Variants in GDI2 observed in about 807,000 individuals in gnomAD.
GDI2 encodes GDP dissociation inhibitor 2, also known as rab GDP dissociation inhibitor beta.
Under a neutral mutation model 54.2 loss-of-function variants are expected in GDI2, and 22 were observed. The observed-to-expected ratio is 0.41, with a 90% CI of 0.29 to 0.58. The LOEUF (loss-of-function observed/expected upper bound fraction) is 0.58. Ranked by LOEUF, GDI2 falls within the 20% of genes least tolerant of loss-of-function variation. GDI2 has a pLI of 0.35. For missense variants in GDI2, 422 were observed against 546.0 expected (o/e 0.77, Z 2.26); for synonymous variants, 177 against 182.1 (o/e 0.97, Z 0.23).
At chr10:5,791,066 G>T (rs1841000345) in intron 4 of GDI2, among the ~76,000 whole-genome samples, 1 of 152,108 alleles carries the variant, frequency 6.6e-6, no homozygotes, top group Admixed American at 6.6e-5. Context: ...CTGAGGAGAG[G>T]TAACTGCTTG....
At chr10:5,767,087 C>T (rs2131678556) in intron 8 of GDI2, among the ~76,000 whole-genome samples, 1 of 152,020 alleles carries the variant, frequency 6.6e-6, no homozygotes, top group East Asian at 1.9e-4. Flanking sequence ...TTTGAGTTGG[C>T]ATAACGATAG....
chr10:5,792,142 G>T (rs1841033379), intron 4 of GDI2, among the ~76,000 whole-genome samples: 1 of 152,178 alleles, frequency 6.6e-6, no homozygotes, highest in South Asian at 2.1e-4. Context: ...TATATTAATA[G>T]CTTTATATAC....
At position 5,813,357 on chromosome 10, in the gene GDI2, A is replaced by G. The variant is rs1841516802; in HGVS notation, c.-99T>C. On this transcript the variant is annotated 5_prime_UTR_variant, in exon 1 of 11. Transcript: ENST00000380191. ...GGAGGCGCTCTTGGGCGCGAAGGAAAGGGGAAGAGAAAGAGAGGAAAATGG... is the reference window on the plus strand; with the variant it reads ...GGAGGCGCTCTTGGGCGCGAAGGAAGGGGGAAGAGAAAGAGAGGAAAATGG... 4.8e-6 allele frequency: 4 copies of G among 835,136 alleles called. No homozygotes were observed. The highest frequency in any genetic ancestry group is 2.4e-5 in the Admixed American group (1 of 42,174). The allele number at this position is 835,136 out of a possible 1,614,324, so 51.7% of individuals were successfully genotyped here.
intron 4 of GDI2, 24 bp downstream of exon 4, chr10:5,794,861 A>T: frequency 1.3e-6 from 2 of 1,512,054 alleles, no homozygotes; most frequent in Non-Finnish European, 1.8e-6. Context: ...AAAACTAGTT[A>T]CTAGAGAAAA....
intron 1 of GDI2, among the ~76,000 whole-genome samples, chr10:5,801,600 T>G (rs1281695114): frequency 6.6e-6 from 1 of 152,110 alleles, no homozygotes; most frequent in African/African-American, 2.4e-5. Context: ...TGCTTGAACC[T>G]GGGAGGCAGA....
At position 5,784,195 on chromosome 10, in the gene GDI2, TTTC is replaced by T. The variant is rs1467439749; in HGVS notation, c.719+944_719+946del. ...CCTTGTCTTCGAACTCTGAAATTTC[TTTC>T]TTCTACTTATTCAATTCTATTGCTG... On this transcript the variant is annotated intron_variant, in intron 6 of 10. Transcript: ENST00000380191. Among the ~76,000 whole-genome samples, 5 of 122,834 alleles carry T rather than the reference TTTC, an allele frequency of 4.1e-5. No individual in the cohort carries two copies. In the Admixed American group the frequency reaches 5.2e-4, roughly 13 times the overall value. The allele number at this position is 122,834 out of a possible 152,430, so 80.6% of individuals were successfully genotyped here.
At position 5,813,404 on chromosome 10, in the gene GDI2, G is replaced by C. The variant is rs919179313; in HGVS notation, c.-146C>G. ...ATGGAGCTGGCGACAAGGCGAGACC[G>C]ACCGCCACCTCAGACGGGAAGAGAA... On this transcript the variant is annotated 5_prime_UTR_variant, in exon 1 of 11. Coordinates refer to ENST00000380191, the MANE Select transcript of GDI2 (RefSeq NM_001494.4). 6 of 427,836 alleles carry C rather than the reference G, an allele frequency of 1.4e-5. No individual in the cohort carries two copies. Among genetic ancestry groups the C allele is most frequent in the Non-Finnish European group, 2.1e-5 (5 of 235,352 alleles). The allele number at this position is 427,836 out of a possible 1,614,324, so 26.5% of individuals were successfully genotyped here. A position where few individuals can be genotyped will look rare whatever the true frequency, so the allele number is the denominator to read the frequency against.
At chr10:5,782,749 C>A (rs542424280) in intron 6 of GDI2, among the ~76,000 whole-genome samples, 1 of 152,348 alleles carries the variant, frequency 6.6e-6, no homozygotes, top group East Asian at 1.9e-4. Flanking sequence ...GACTGACCAA[C>A]ATGGTGAAAC....
In GDI2 at chr10:5,765,739, G is replaced by A. The variant is rs563667776; in HGVS notation, c.*267C>T. On this transcript the variant is annotated 3_prime_UTR_variant, in exon 11 of 11. Coordinates refer to ENST00000380191, the MANE Select transcript of GDI2 (RefSeq NM_001494.4). ...AAAACTGTCTCAAGTTGTCTGTGTC[G>A]GTATCCCAATGTTTGTTTAACTTCA... 1.1e-4 allele frequency: 42 copies of A among 366,948 alleles called. No homozygotes were observed. Among genetic ancestry groups the A allele is most frequent in the South Asian group, 9.2e-4 (22 of 23,932 alleles). 22.7% of individuals were successfully genotyped at this position (366,948 alleles called of 1,614,324 possible).
intron 4 of GDI2, among the ~76,000 whole-genome samples, chr10:5,789,827 G>GT (rs1840971414): frequency 6.6e-6 from 1 of 152,296 alleles, no homozygotes; most frequent in Non-Finnish European, 1.5e-5. Flanking sequence ...TCTTAACTGC[G>GT]TAAGATTAAC....
At chr10:5,786,117 A>C in intron 4 of GDI2, 67 bp from the exon 5 acceptor site, 1 of 1,007,086 alleles carries the variant, frequency 9.9e-7, no homozygotes, top group Non-Finnish European at 1.5e-6. Context: ...GAAGTATGAG[A>C]GCAAAGTTTA....
In GDI2 at chr10:5,768,568, T is replaced by C. The variant is rs1840412238; in HGVS notation, c.820-184A>G. On this transcript the variant is annotated intron_variant, in intron 7 of 10. Transcript: ENST00000380191. This position sits in a 1 kb window ranked among gnomAD's most constrained non-coding sequence, Gnocchi z 4.4. Reference sequence around the variant, plus strand: ...AATCTTAAAAGAAGAACAGCAAAGCTGGAGGACTCACTCACTAAAAAGCTA... The same window carrying C: ...AATCTTAAAAGAAGAACAGCAAAGCCGGAGGACTCACTCACTAAAAAGCTA... 2.2e-5 allele frequency: 13 copies of C among 579,870 alleles called. No individual in the cohort carries two copies. Among genetic ancestry groups the C allele is most frequent in the South Asian group, 2.1e-4 (10 of 46,814 alleles). The allele number at this position is 579,870 out of a possible 1,614,324, so 35.9% of individuals were successfully genotyped here.
At chr10:5,809,838 A>G (rs1841452254) in intron 1 of GDI2, among the ~76,000 whole-genome samples, 2 of 152,232 alleles carry the variant, frequency 1.3e-5, no homozygotes, top group Non-Finnish European at 1.5e-5. Context: ...TTAAAAACCA[A>G]TGTCACACTA....
intron 1 of GDI2, among the ~76,000 whole-genome samples, chr10:5,806,855 G>A (rs1841389681): frequency 6.6e-6 from 1 of 152,178 alleles, no homozygotes; most frequent in Non-Finnish European, 1.5e-5. Flanking sequence ...ACTTTTGAAA[G>A]CAAAATCTCA....
chr10:5,785,658 G>A (rs1043515209), intron 5 of GDI2, among the ~76,000 whole-genome samples, 194 bp downstream of exon 5: 1 of 152,172 alleles, frequency 6.6e-6, no homozygotes, highest in African/African-American at 2.4e-5. Flanking sequence ...TCACAGGCGT[G>A]AGCCACCACA....
At chr10:5,783,182 C>T (rs980093177) in intron 6 of GDI2, among the ~76,000 whole-genome samples, 3 of 151,664 alleles carry the variant, frequency 2.0e-5, no homozygotes, top group African/African-American at 4.8e-5. Flanking sequence ...TTAGTTAAAC[C>T]CAGGACAGGG....
Position 5,765,702 on chromosome 10 carries a change from T to G in GDI2, c.*304A>C. The G allele has an allele frequency of 3.4e-6, 1 of 297,026 alleles. No individual in the cohort carries two copies. The highest frequency in any genetic ancestry group is 6.2e-6 in the Non-Finnish European group (1 of 161,680). The allele number at this position is 297,026 out of a possible 1,614,324, so 18.4% of individuals were successfully genotyped here. Reference sequence around the variant, plus strand: ...AGCAGCAGCACATAGCTACACTGATTAAAAGATTAAAAAAACTGTCTCAAG... The same window carrying G: ...AGCAGCAGCACATAGCTACACTGATGAAAAGATTAAAAAAACTGTCTCAAG... On this transcript the variant is annotated 3_prime_UTR_variant, in exon 11 of 11. Coordinates refer to ENST00000380191, the MANE Select transcript of GDI2 (RefSeq NM_001494.4).
intron 1 of GDI2, among the ~76,000 whole-genome samples, chr10:5,804,154 C>T (rs575453282): frequency 1.3e-5 from 2 of 151,430 alleles, no homozygotes; most frequent in South Asian, 2.1e-4. Context: ...AGTGCAGTGG[C>T]GCGATCTTGG....
At chr10:5,802,135 T>C (rs979991222) in intron 1 of GDI2, among the ~76,000 whole-genome samples, 1 of 152,246 alleles carries the variant, frequency 6.6e-6, no homozygotes, top group Non-Finnish European at 1.5e-5. Context: ...GCCACTGATC[T>C]GTAAGCTGAA....
Sources: gnomAD v4.1 joint callset for allele counts (sites outside exome capture counted in the v4.1 genomes callset) on GRCh38, gnomAD v4.1.1 for gene constraint, Gnocchi (gnomAD v3.1) non-coding constraint, MANE v1.5 for transcripts, NCBI Gene and HGNC (gene_info 2026-07-23, HGNC 2026-07-21) for gene names.